The following MMP26 variants were observed in gnomAD, a reference collection of about 807,000 sequenced individuals.
MMP26 encodes the protein matrix metallopeptidase 26.
A neutral mutation model predicts 31.0 loss-of-function variants in MMP26; 33 were observed. The observed-to-expected ratio is 1.06, with a 90% CI of 0.81 to 1.42. MMP26 has a LOEUF of 1.42. MMP26 is among the 40% of genes most tolerant of loss of function. MMP26 has a pLI of 0.00. For synonymous variants in MMP26, 122 were observed against 114.9 expected, an observed-to-expected ratio of 1.06 and a Z score of -0.40; for missense variants, 347 against 316.1, an observed-to-expected ratio of 1.10 and a Z score of -0.74.
chr11:4,930,064 C>A (rs1179659065), intron 2 of MMP26, among the ~76,000 whole-genome samples: 2 of 151,960 alleles, frequency 1.3e-5, no homozygotes, highest in Non-Finnish European at 2.9e-5. Flanking sequence ...CTTTCAATTT[C>A]TTTGATTTAT....
At chr11:4,881,880 T>C (rs751889642) in intron 2 of MMP26, 15 of 1,597,584 alleles carry the variant, frequency 9.4e-6, no homozygotes, top group Non-Finnish European at 1.3e-5. Context: ...TTCCTCATAG[T>C]TCAGTGTCTT....
intron 2 of MMP26, among the ~76,000 whole-genome samples, chr11:4,957,899 C>T (rs12791258): frequency 0.15 from 22,413 of 151,946 alleles, 1,733 homozygotes; most frequent in South Asian, 0.17. Flanking sequence ...AGGCAGGTCT[C>T]GAACTCCTGA....
At chr11:4,709,561 C>G in intron 1 of MMP26, 1 of 432,528 alleles carries the variant, frequency 2.3e-6, no homozygotes, top group South Asian at 1.7e-5. Context: ...TCTGCTTCTT[C>G]GCTCATCATG....
intron 2 of MMP26, among the ~76,000 whole-genome samples, chr11:4,814,227 C>A (rs570739088): frequency 6.6e-6 from 1 of 152,206 alleles, no homozygotes; most frequent in East Asian, 1.9e-4. Context: ...TCCTTTTGAG[C>A]GAGCAATTTC....
intron 2 of MMP26, among the ~76,000 whole-genome samples, chr11:4,798,065 A>G (rs150981042): frequency 2.7e-3 from 418 of 152,346 alleles, no homozygotes; most frequent in African/African-American, 9.7e-3. Context: ...TGTGGGAAAT[A>G]TTAGGGCTGG....
chr11:4,784,115 A>G (rs754483519), intron 2 of MMP26, among the ~76,000 whole-genome samples: 1 of 152,244 alleles, frequency 6.6e-6, no homozygotes, highest in Non-Finnish European at 1.5e-5. Flanking sequence ...ATCAATTACT[A>G]TAATTCAAAG....
rs376703960 is a variant in MMP26, at chr11:4,872,482, G to A, written c.-145+105141G>A. On this transcript the variant is annotated intron_variant, in intron 2 of 7. Transcript: ENST00000380390. ...TAGTCAGTAAAACAAGAACTTTATA[G>A]ATCATTGTCCCCCTCCCCCACTCAC... 5.7e-4 allele frequency among the ~76,000 whole-genome samples: 86 copies of A among 152,086 alleles called. 1 individual carries two copies. The South Asian group carries it at 0.017, about 31-fold the overall frequency.
chr11:4,915,685 A>G (rs1358742643), intron 2 of MMP26: 4 of 1,570,598 alleles, frequency 2.5e-6, no homozygotes, highest in South Asian at 1.1e-5. Context: ...ACAAGGGGGA[A>G]GGTGGGTGCC....
chr11:4,858,221 G>T (rs1177372685), intron 2 of MMP26, among the ~76,000 whole-genome samples: 2 of 152,034 alleles, frequency 1.3e-5, no homozygotes, highest in African/African-American at 4.8e-5. Flanking sequence ...GGAAGTTCTG[G>T]CCAGGGCAAT....
At chr11:4,991,937 A>AT (rs1417067391) in intron 6 of MMP26, 27 bp from the exon 7 acceptor site, 2 of 1,541,810 alleles carry the variant, frequency 1.3e-6, no homozygotes, top group Admixed American at 4.2e-5. Flanking sequence ...AGTTAATTTT[A>AT]TCTTTTTTTT....
At chr11:4,783,742 A>C (rs1848897032) in intron 2 of MMP26, among the ~76,000 whole-genome samples, 1 of 152,056 alleles carries the variant, frequency 6.6e-6, no homozygotes, top group African/African-American at 2.4e-5. Context: ...AATTATGGGG[A>C]CAGGTCTTTC....
chr11:4,935,420 T>G (rs1053957477), intron 2 of MMP26, among the ~76,000 whole-genome samples: 2 of 151,978 alleles, frequency 1.3e-5, no homozygotes, highest in African/African-American at 4.8e-5. Context: ...TTTTGCACAT[T>G]GATTTTGTAT....
At chr11:4,839,367 G>A (rs547358574) in intron 2 of MMP26, among the ~76,000 whole-genome samples, 1 of 151,866 alleles carries the variant, frequency 6.6e-6, no homozygotes, top group East Asian at 2.0e-4. Flanking sequence ...GCTGCTAAGG[G>A]AGTGCTGGTA....
At chr11:4,878,835 G>A (rs889374113) in intron 2 of MMP26, among the ~76,000 whole-genome samples, 1 of 152,012 alleles carries the variant, frequency 6.6e-6, no homozygotes, top group African/African-American at 2.4e-5. Context: ...TACCTGATGT[G>A]TAACTTTATA....
intron 2 of MMP26, among the ~76,000 whole-genome samples, chr11:4,897,340 A>G (rs1212940233): frequency 6.6e-6 from 1 of 152,134 alleles, no homozygotes; most frequent in Non-Finnish European, 1.5e-5. Context: ...AGGTTTCACC[A>G]TGTTGGCCAG....
rs1170941620 is a variant in MMP26 at position 4,992,088 on chromosome 11, C to G, written c.720C>G (p.Leu240=). ...ATCACGACCCTAGAACCTTCCAGCTCAGTGCCGATGATATCCAAAGGATCC... is the reference window on the plus strand; with the variant it reads ...ATCACGACCCTAGAACCTTCCAGCTGAGTGCCGATGATATCCAAAGGATCC... The part of the protein sequence containing the change: ...YWYHDPRTFQ[L]SADDIQRIQH... Residue 240 remains leucine (L), a synonymous_variant, in exon 7 of 8, where the codon CTC becomes CTG. Transcript: ENST00000380390. The G allele has an allele frequency of 6.2e-7, 1 of 1,613,848 alleles. No homozygotes were observed. The highest frequency in any genetic ancestry group is 1.1e-5 in the South Asian group (1 of 91,028).
chr11:4,829,562 C>T (rs995460624), intron 2 of MMP26, among the ~76,000 whole-genome samples: 4 of 151,106 alleles, frequency 2.6e-5, no homozygotes, highest in Middle Eastern at 3.4e-3. Context: ...CCCTTCTGAA[C>T]GTGAGGGTCT....
Position 4,974,398 on chromosome 11 carries a change from C to T in MMP26, c.-144-13670C>T, listed in dbSNP as rs528532789. Among the ~76,000 whole-genome samples, 151 of 151,966 alleles carry T rather than the reference C, an allele frequency of 9.9e-4. 2 individuals are homozygous for T. Among genetic ancestry groups the T allele is most frequent in the African/African-American group, 2.9e-3 (120 of 41,412 alleles). On this transcript the variant is annotated intron_variant, in intron 2 of 7. Transcript: ENST00000380390. ...AAAAAATATATGTATATAGTGTCTT[C>T]GTTGTAAACATGGATTTTCTTTTCC... is the stretch of plus-strand genomic sequence containing the variant.
Position 4,988,315 on chromosome 11 carries a change from G to T in MMP26, c.99+5G>T, listed in dbSNP as rs533352702. On this transcript the variant is annotated splice_donor_5th_base_variant and intron_variant, in intron 3 of 7. Transcript: ENST00000380390. ...AAAGGATGGGACTTTGTTGAGGTAGGTGAACGACTCAGGACCACATTATTA... is the reference window on the plus strand; with the variant it reads ...AAAGGATGGGACTTTGTTGAGGTAGTTGAACGACTCAGGACCACATTATTA... 1 of 1,612,882 alleles carries T rather than the reference G, an allele frequency of 6.2e-7. No individual in the cohort carries two copies. Among genetic ancestry groups the T allele is most frequent in the Admixed American group, 1.7e-5 (1 of 60,030 alleles).
Sources: allele counts gnomAD v4.1 joint callset (sites outside exome capture counted in the v4.1 genomes callset), GRCh38; gene constraint gnomAD v4.1.1; transcripts MANE v1.5; gene names NCBI Gene and HGNC (gene_info 2026-07-23, HGNC 2026-07-21).